The following RCBTB1 variants were observed in gnomAD, a reference collection of about 807,000 sequenced individuals.
RCBTB1 encodes RCC1 and BTB domain containing protein 1, also known as RCC1 and BTB domain-containing protein 1.
In RCBTB1, 46 loss-of-function variants were observed where a neutral mutation model predicts 62.4. The ratio of observed to expected loss-of-function variants is 0.74; its 90% CI spans 0.58 to 0.94. RCBTB1 has a LOEUF of 0.94. RCBTB1 is among the 40% of genes least tolerant of loss of function. RCBTB1 has a pLI of 0.00. For missense variants in RCBTB1, 565 were observed against 654.9 expected (o/e 0.86, Z 1.50); for synonymous variants, 222 against 245.8 (o/e 0.90, Z 0.91).
chr13:49,546,316 G>A, intron 9 of RCBTB1: 2 of 984,642 alleles, frequency 2.0e-6, no homozygotes, highest in Non-Finnish European at 2.4e-6. Context: ...ACTCAGATGA[G>A]ATCACAAAGT....
At position 49,533,984 on chromosome 13, in the gene RCBTB1, A is replaced by G. The variant is rs1959737563; in HGVS notation, c.*138T>C. The G allele has an allele frequency of 1.2e-6, 1 of 829,384 alleles. No individual in the cohort carries two copies. Among genetic ancestry groups the G allele is most frequent in the South Asian group, 1.8e-5 (1 of 54,300 alleles). The allele number at this position is 829,384 out of a possible 1,614,324, so 51.4% of individuals were successfully genotyped here. ...TACACCCTTGTTATGTTCCTACACAAACAACTGTGTCCCAGATGTGGAAAA... is the reference window on the plus strand; with the variant it reads ...TACACCCTTGTTATGTTCCTACACAGACAACTGTGTCCCAGATGTGGAAAA... On this transcript the variant is annotated 3_prime_UTR_variant, in exon 13 of 13. Coordinates refer to ENST00000378302, the MANE Select transcript of RCBTB1 (RefSeq NM_018191.4).
chr13:49,570,763 C>T (rs780939449), intron 2 of RCBTB1, among the ~76,000 whole-genome samples: 18 of 152,232 alleles, frequency 1.2e-4, no homozygotes, highest in Non-Finnish European at 1.9e-4. Context: ...GTCGTAGACA[C>T]TGTTAATTAG....
intron 10 of RCBTB1, 129 bp from the exon 11 acceptor site, chr13:49,541,956 C>T (rs1960398635): frequency 9.6e-7 from 1 of 1,036,504 alleles, no homozygotes; most frequent in Admixed American, 2.9e-5. Flanking sequence ...TGGCTCATGC[C>T]TGTAATCCCA....
intron 12 of RCBTB1, among the ~76,000 whole-genome samples, chr13:49,534,992 C>T (rs1487517545): frequency 1.4e-5 from 2 of 147,422 alleles, no homozygotes; most frequent in Non-Finnish European, 3.0e-5. Context: ...CGAGATCGCA[C>T]CACTGCACTC....
chr13:49,546,695 C>A lies in RCBTB1; in HGVS notation c.1046-1832G>T, dbSNP rs187403564. Reference sequence around the variant, plus strand: ...AGGAGCTCGCAACCTGTATCCCTCGCATGTGCAGTTCACAATAGGGCTTAC... The same window carrying A: ...AGGAGCTCGCAACCTGTATCCCTCGAATGTGCAGTTCACAATAGGGCTTAC... On this transcript the variant is annotated intron_variant, in intron 9 of 12. Coordinates refer to ENST00000378302, the MANE Select transcript of RCBTB1 (RefSeq NM_018191.4). 4.6e-5 allele frequency among the ~76,000 whole-genome samples: 7 copies of A among 152,310 alleles called. No homozygotes were observed. In the East Asian group the frequency reaches 1.3e-3, roughly 29 times the overall value.
chr13:49,573,246 T>C (rs994027530), intron 2 of RCBTB1, among the ~76,000 whole-genome samples: 2 of 152,202 alleles, frequency 1.3e-5, no homozygotes, highest in African/African-American at 4.8e-5. Flanking sequence ...CAGAAATGTA[T>C]ACACCAAAAT....
intron 9 of RCBTB1, among the ~76,000 whole-genome samples, chr13:49,545,125 T>A (rs111377946): frequency 6.6e-6 from 1 of 152,172 alleles, no homozygotes; most frequent in Non-Finnish European, 1.5e-5. Context: ...TAGAAATGTA[T>A]ATTTTTAAAG....
At chr13:49,561,751 C>A (rs371662007) in intron 4 of RCBTB1, among the ~76,000 whole-genome samples, 1 of 151,016 alleles carries the variant, frequency 6.6e-6, no homozygotes, top group Admixed American at 6.6e-5. Flanking sequence ...ATAGGAAAAC[C>A]CTACAAAAAA....
intron 9 of RCBTB1, chr13:49,546,992 G>A: frequency 1.0e-6 from 1 of 984,828 alleles, no homozygotes; most frequent in Non-Finnish European, 1.2e-6. Flanking sequence ...TGAAAAGAAT[G>A]CCTGTGCCAT....
At chr13:49,576,575 T>G (rs907348079) in intron 2 of RCBTB1, among the ~76,000 whole-genome samples, 1 of 152,212 alleles carries the variant, frequency 6.6e-6, no homozygotes, top group Non-Finnish European at 1.5e-5. Context: ...AATTTTCCAG[T>G]GCATACAGCA....
chr13:49,537,795 G>C (rs7983291), intron 12 of RCBTB1: 88,887 of 152,124 alleles, frequency 0.58, 27,217 homozygotes, highest in Non-Finnish European at 0.69. Flanking sequence ...GCTCCTTTGT[G>C]AAGTCCTTCT....
chr13:49,574,400 T>C (rs974965737), intron 2 of RCBTB1, among the ~76,000 whole-genome samples: 4 of 152,224 alleles, frequency 2.6e-5, no homozygotes, highest in Admixed American at 2.6e-4. Context: ...ATTAGAGGCG[T>C]GAGCCACCAT....
At chr13:49,540,628 C>T (rs1311102262) in intron 12 of RCBTB1, among the ~76,000 whole-genome samples, 2 of 152,252 alleles carry the variant, frequency 1.3e-5, no homozygotes, top group Non-Finnish European at 2.9e-5. Context: ...TTCCAACCTG[C>T]AGCACAGCTG....
chr13:49,538,240 C>A (rs1176477375), intron 12 of RCBTB1, among the ~76,000 whole-genome samples: 1 of 152,174 alleles, frequency 6.6e-6, no homozygotes, highest in Non-Finnish European at 1.5e-5. Context: ...GCAATCCTCC[C>A]ACTTCAGCAT....
chr13:49,569,829 C>T lies in RCBTB1; in HGVS notation c.-41-2509G>A, dbSNP rs147472617. Among the ~76,000 whole-genome samples the T allele has an allele frequency of 4.1e-3, 629 of 152,156 alleles. 1 individual carries two copies. Among genetic ancestry groups the T allele is most frequent in the African/African-American group, 0.015 (602 of 41,512 alleles). On this transcript the variant is annotated intron_variant, in intron 2 of 12. Transcript: ENST00000378302. ...GGCTGAGGTGAGAGGATTGCTTGAA[C>T]CCAGGAAGTCAAGGCTGCAGTTGAG... is the stretch of plus-strand genomic sequence containing the variant.
chr13:49,542,516 T>G (rs4942844), intron 10 of RCBTB1, among the ~76,000 whole-genome samples: 4,561 of 152,280 alleles, frequency 0.03, 126 homozygotes, highest in East Asian at 0.11. Flanking sequence ...TGAAAGAAAT[T>G]CAGAAACAAG....
intron 1 of RCBTB1, among the ~76,000 whole-genome samples, chr13:49,582,418 C>T (rs994547820): frequency 2.6e-5 from 4 of 152,102 alleles, no homozygotes; most frequent in East Asian, 3.9e-4. Flanking sequence ...ACTCGGGAGA[C>T]GGAGGTTGCA....
At chr13:49,546,964 T>G (rs554016020) in intron 9 of RCBTB1, 1 of 985,128 alleles carries the variant, frequency 1.0e-6, no homozygotes, top group African/African-American at 1.7e-5. Context: ...AACATTTAAA[T>G]TGTTAGGACA....
chr13:49,558,711 A>G (rs1292715537), intron 5 of RCBTB1, among the ~76,000 whole-genome samples: 1 of 151,580 alleles, frequency 6.6e-6, no homozygotes, highest in African/African-American at 2.4e-5. Flanking sequence ...AAAAAAAAAA[A>G]AAAAAATTCA....
Sources: allele counts gnomAD v4.1 joint callset (sites outside exome capture counted in the v4.1 genomes callset), GRCh38; gene constraint gnomAD v4.1.1; transcripts MANE v1.5; gene names NCBI Gene and HGNC (gene_info 2026-07-23, HGNC 2026-07-21).